The following CAAP1 variants were observed in gnomAD, a reference collection of about 807,000 sequenced individuals.
CAAP1 encodes conserved anti-apoptotic protein.
CAAP1 carries 20 observed loss-of-function variants against 34.0 expected under a neutral mutation model. The observed-to-expected ratio is 0.59, with a 90% CI of 0.41 to 0.86. The LOEUF (loss-of-function observed/expected upper bound fraction) is 0.86, where lower values mean the gene tolerates loss of function less well. Ranked by LOEUF, CAAP1 falls within the 40% of genes least tolerant of loss-of-function variation. The pLI, the probability that CAAP1 is intolerant of heterozygous loss-of-function variation, is 0.00. For synonymous variants in CAAP1, 213 were observed against 166.7 expected (o/e 1.28, Z -2.14); for missense variants, 538 against 450.5 (o/e 1.19, Z -1.76).
chr9:26,868,606 C>G (rs1288218847), intron 4 of CAAP1, among the ~76,000 whole-genome samples: 2 of 152,124 alleles, frequency 1.3e-5, no homozygotes, highest in Admixed American at 6.6e-5. Flanking sequence ...TTTGTTATAG[C>G]AGCAATAGGA....
intron 4 of CAAP1, among the ~76,000 whole-genome samples, chr9:26,874,347 T>G (rs1823368817): frequency 6.6e-6 from 1 of 151,924 alleles, no homozygotes; most frequent in Non-Finnish European, 1.5e-5. Flanking sequence ...ATCCATCATC[T>G]CAAACTCAAC....
chr9:26,871,501 T>C (rs113027974), intron 4 of CAAP1, among the ~76,000 whole-genome samples: 6,372 of 150,300 alleles, frequency 0.042, 454 homozygotes, highest in African/African-American at 0.15. Context: ...CACTTGAACG[T>C]GCTAGGCAGA....
chr9:26,854,798 T>C (rs1390649976), intron 5 of CAAP1, among the ~76,000 whole-genome samples: 1 of 152,156 alleles, frequency 6.6e-6, no homozygotes, highest in African/African-American at 2.4e-5. Flanking sequence ...ATGAAAGATG[T>C]TCAACATCAC....
intron 5 of CAAP1, among the ~76,000 whole-genome samples, chr9:26,853,033 T>C (rs1456655325): frequency 1.3e-5 from 2 of 152,180 alleles, no homozygotes; most frequent in Non-Finnish European, 2.9e-5. Context: ...TAAGGCTGTA[T>C]ACTGGCCAAA....
At chr9:26,887,045 C>A (rs936129777) in intron 2 of CAAP1, among the ~76,000 whole-genome samples, 5 of 152,106 alleles carry the variant, frequency 3.3e-5, no homozygotes, top group African/African-American at 1.2e-4. Context: ...GAAACCCCGT[C>A]TCTTAAAAAT....
intron 4 of CAAP1, among the ~76,000 whole-genome samples, chr9:26,876,578 C>T (rs796546950): frequency 5.0e-5 from 7 of 139,102 alleles, no homozygotes; most frequent in African/African-American, 1.9e-4. Context: ...TGTACCTTTT[C>T]TATGTTTAGA....
chr9:26,882,251 A>T (rs1587124672), intron 4 of CAAP1, among the ~76,000 whole-genome samples: 1 of 152,348 alleles, frequency 6.6e-6, no homozygotes, highest in Non-Finnish European at 1.5e-5. Flanking sequence ...AATCGCCAAG[A>T]CAATGGGGAA....
intron 1 of CAAP1, among the ~76,000 whole-genome samples, chr9:26,890,755 C>T (rs994388311): frequency 4.6e-5 from 7 of 152,124 alleles, no homozygotes; most frequent in African/African-American, 7.2e-5. Context: ...ACCATCCTGG[C>T]TAACACGGTG....
chr9:26,873,688 A>C (rs1717446054), intron 4 of CAAP1, among the ~76,000 whole-genome samples: 1 of 152,204 alleles, frequency 6.6e-6, no homozygotes, highest in African/African-American at 2.4e-5. Flanking sequence ...TCTAATTCCA[A>C]GACTTCATAT....
At chr9:26,889,888 AAGG>A (rs1823857856) in intron 1 of CAAP1, among the ~76,000 whole-genome samples, 2 of 150,908 alleles carry the variant, frequency 1.3e-5, no homozygotes, top group Non-Finnish European at 1.5e-5. Context: ...AAAAAAAAAA[AAGG>A]AACCTCAATA....
intron 1 of CAAP1, among the ~76,000 whole-genome samples, chr9:26,888,989 T>C (rs1323393214): frequency 1.4e-4 from 22 of 152,218 alleles, no homozygotes; most frequent in Admixed American, 1.4e-3. Flanking sequence ...TACAAAGGAA[T>C]GAACCCTATG....
chr9:26,889,638 G>A (rs1488366315), intron 1 of CAAP1, among the ~76,000 whole-genome samples: 19 of 150,804 alleles, frequency 1.3e-4, no homozygotes, highest in African/African-American at 4.7e-4. Context: ...GAGGCTGAGG[G>A]GGGCAGATAA....
intron 5 of CAAP1, among the ~76,000 whole-genome samples, chr9:26,847,041 A>C (rs1034519780): frequency 6.6e-6 from 1 of 151,364 alleles, no homozygotes; most frequent in Admixed American, 6.6e-5. Flanking sequence ...TTAATAACTT[A>C]TTTATTTTAT....
chr9:26,861,686 A>G (rs531299548), intron 4 of CAAP1, among the ~76,000 whole-genome samples: 131 of 152,294 alleles, frequency 8.6e-4, no homozygotes, highest in Non-Finnish European at 1.5e-3. Context: ...CTGCAAAATA[A>G]TGTGCTTTCT....
chr9:26,878,085 T>C (rs527640414), intron 4 of CAAP1, among the ~76,000 whole-genome samples: 1 of 152,292 alleles, frequency 6.6e-6, no homozygotes, highest in African/African-American at 2.4e-5. Context: ...GGGATCTAAT[T>C]TGGGACTTAA....
At chr9:26,874,599 T>TA (rs1437791926) in intron 4 of CAAP1, among the ~76,000 whole-genome samples, 1 of 152,138 alleles carries the variant, frequency 6.6e-6, no homozygotes, top group African/African-American at 2.4e-5. Context: ...TTTTCTCACT[T>TA]AAAAAATGAA....
chr9:26,882,536 T>C (rs116189758), intron 4 of CAAP1, among the ~76,000 whole-genome samples: 3,148 of 152,282 alleles, frequency 0.021, 105 homozygotes, highest in African/African-American at 0.071. Context: ...CAGGCAGAAG[T>C]TAGCTGCAGG....
intron 4 of CAAP1, among the ~76,000 whole-genome samples, chr9:26,872,778 G>C (rs1823312424): frequency 6.6e-6 from 1 of 151,750 alleles, no homozygotes; most frequent in South Asian, 2.1e-4. Flanking sequence ...GAATATACTA[G>C]ATATTTAAAT....
rs1397015605 is a variant in CAAP1 at position 26,856,800 on chromosome 9, TAAA to T, written c.739+4263_739+4265del. ...TCCTTCAAATATTTTACAGCAACTA[TAAA>T]CCTCAACTCCTCAATCTAACTTAAC... On this transcript the variant is annotated intron_variant, in intron 5 of 5. Coordinates refer to ENST00000333916, the MANE Select transcript of CAAP1 (RefSeq NM_024828.4). Among the ~76,000 whole-genome samples, 3 of 152,234 alleles carry T rather than the reference TAAA, an allele frequency of 2.0e-5. No individual in the cohort carries two copies. The East Asian group carries it at 5.8e-4, about 29-fold the overall frequency.
Sources: gnomAD v4.1 joint callset for allele counts (sites outside exome capture counted in the v4.1 genomes callset) on GRCh38, gnomAD v4.1.1 for gene constraint, MANE v1.5 for transcripts, NCBI Gene and HGNC (gene_info 2026-07-23, HGNC 2026-07-21) for gene names.